Variants in JAK3 observed in about 807,000 individuals in gnomAD.
The protein encoded by JAK3 is tyrosine-protein kinase JAK3.
In JAK3, 88 loss-of-function variants were observed where a neutral mutation model predicts 120.8. The observed-to-expected ratio is 0.73, with a 90% CI of 0.61 to 0.87. The LOEUF (loss-of-function observed/expected upper bound fraction) is 0.87. JAK3 is among the 40% of genes least tolerant of loss of function. The pLI, the probability that JAK3 is intolerant of heterozygous loss-of-function variation, is 0.00. For synonymous variants in JAK3, 592 were observed against 628.6 expected, an observed-to-expected ratio of 0.94 and a Z score of 0.87; for missense variants, 1,254 against 1,501.4, an observed-to-expected ratio of 0.84 and a Z score of 2.72.
chr19:17,830,338 G>A, intron 22 of JAK3, 120 bp from the exon 23 acceptor site: 4 of 927,350 alleles, frequency 4.3e-6, no homozygotes, highest in Non-Finnish European at 6.8e-6. Context: ...TGCCTGAACC[G>A]TGAAGGGGTC....
In JAK3 at chr19:17,825,812, AAT is replaced by A. The variant is rs2094202887; in HGVS notation, c.*929_*930del. ...GCTACTTGGGAGGCTGAGGCGAGAGAATGGTGTGAACCCAGGAGGCGGAGCTT... is the reference window on the plus strand; with the variant it reads ...GCTACTTGGGAGGCTGAGGCGAGAGAGGTGTGAACCCAGGAGGCGGAGCTT... On this transcript the variant is annotated 3_prime_UTR_variant, in exon 24 of 24. Transcript: ENST00000458235. 6.7e-6 allele frequency: 1 copy of A among 150,304 alleles called. No homozygotes were observed. The highest frequency in any genetic ancestry group is 2.5e-5 in the African/African-American group (1 of 39,852). 9.3% of individuals were successfully genotyped at this position (150,304 alleles called of 1,614,324 possible). A position where few individuals can be genotyped will look rare whatever the true frequency, so the allele number is the denominator to read the frequency against.
At position 17,843,002 on chromosome 19, in the gene JAK3, GTCCC is replaced by G; in HGVS notation, c.566+21_566+24del. 6.2e-7 allele frequency: 1 copy of G among 1,608,506 alleles called. No homozygotes were observed. Among genetic ancestry groups the G allele is most frequent in the Non-Finnish European group, 8.5e-7 (1 of 1,179,614 alleles). Reference sequence around the variant, plus strand: ...CGTTGCTCACTCCCAAGCAGAGGCCGTCCCCACAGCCTGGTGGCTCTCACCTGAC... The same window carrying G: ...CGTTGCTCACTCCCAAGCAGAGGCCGCACAGCCTGGTGGCTCTCACCTGAC... On this transcript the variant is annotated intron_variant, in intron 5 of 23. Coordinates refer to ENST00000458235, the MANE Select transcript of JAK3 (RefSeq NM_000215.4). This position sits in a 1 kb window ranked among gnomAD's most constrained non-coding sequence, Gnocchi z 5.4.
At chr19:17,837,854 G>A (rs1278999679) in intron 12 of JAK3, 78 bp downstream of exon 12, 2 of 1,599,212 alleles carry the variant, frequency 1.3e-6, no homozygotes, top group South Asian at 2.2e-5. Flanking sequence ...GTCCCTGTGT[G>A]TTTTTAAATT....
chr19:17,842,186 C>T lies in JAK3; in HGVS notation c.861+130G>A. On this transcript the variant is annotated intron_variant, in intron 6 of 23. Transcript: ENST00000458235. This position sits in a 1 kb window ranked among gnomAD's most constrained non-coding sequence, Gnocchi z 6.4. Reference sequence around the variant, plus strand: ...GTCTCCTCCCTCACTAAGCCCCGCCCCTCATTAAGCCTCGCCCACTTCCCC... The same window carrying T: ...GTCTCCTCCCTCACTAAGCCCCGCCTCTCATTAAGCCTCGCCCACTTCCCC... The T allele has an allele frequency of 9.8e-7, 1 of 1,018,960 alleles. No homozygotes were observed. Among genetic ancestry groups the T allele is most frequent in the South Asian group, 1.7e-5 (1 of 59,018 alleles). The allele number at this position is 1,018,960 out of a possible 1,614,324, so 63.1% of individuals were successfully genotyped here.
In JAK3 at chr19:17,834,948, T is replaced by A; in HGVS notation, c.2103A>T (p.Thr701=). ...VAPECLREAQ[T]LSLEADKWGF... ...CCCACTTGTCAGCTTCCAAGCTAAGTGTCTGCGCCTCCCGGAGACACTCGG... is the reference window on the plus strand; with the variant it reads ...CCCACTTGTCAGCTTCCAAGCTAAGAGTCTGCGCCTCCCGGAGACACTCGG... The change falls in exon 16 of 24, where the codon ACA becomes ACT. Residue 701 remains threonine (T), a synonymous_variant. Transcript: ENST00000458235. The A allele has an allele frequency of 6.2e-7, 1 of 1,614,126 alleles. No homozygotes were observed.
chr19:17,842,564 G>T lies in JAK3; in HGVS notation c.613C>A (p.Leu205Met). The T allele has an allele frequency of 6.3e-7, 1 of 1,587,964 alleles. No individual in the cohort carries two copies. Among genetic ancestry groups the T allele is most frequent in the Non-Finnish European group, 8.6e-7 (1 of 1,167,568 alleles). Reference protein sequence around the residue: ...PPSLRDLIQGLSFVTRRRIRR... With the variant: ...PPSLRDLIQGMSFVTRRRIRR... ...ATACGCCTCCGCGTCACGAAGCTCA[G>T]GCCCTGGATCAGGTCGCGCAGGCTT... The change falls in exon 6 of 24, where the codon CTG becomes ATG. Residue 205 changes from leucine (L) to methionine (M), a missense_variant. Leu to Met is a conservative substitution (Grantham distance 15, BLOSUM62 2). Transcript: ENST00000458235. This position sits in a 1 kb window ranked among gnomAD's most constrained non-coding sequence, Gnocchi z 6.4.
At chr19:17,830,333 G>T in intron 22 of JAK3, 115 bp from the exon 23 acceptor site, 1 of 955,468 alleles carries the variant, frequency 1.0e-6, no homozygotes, top group Non-Finnish European at 1.6e-6. Flanking sequence ...GGGGCTGCCT[G>T]AACCGTGAAG....
Position 17,831,508 on chromosome 19 carries a change from C to T in JAK3, c.2806-108G>A, listed in dbSNP as rs909451118. 1.9e-5 allele frequency: 29 copies of T among 1,529,712 alleles called. No homozygotes were observed. The African/African-American group carries it at 3.7e-4, about 19-fold the overall frequency. The allele number at this position is 1,529,712 out of a possible 1,614,324, so 94.8% of individuals were successfully genotyped here. A position where few individuals can be genotyped will look rare whatever the true frequency, so the allele number is the denominator to read the frequency against. Reference sequence around the variant, plus strand: ...CAGACCCCAACTATAACCCTACCCCCGAGCCATCCTCCACTGAAGTTCTGA... The same window carrying T: ...CAGACCCCAACTATAACCCTACCCCTGAGCCATCCTCCACTGAAGTTCTGA... On this transcript the variant is annotated intron_variant, in intron 20 of 23. Coordinates refer to ENST00000458235, the MANE Select transcript of JAK3 (RefSeq NM_000215.4). The surrounding 1 kb of genome is among the most constrained non-coding windows in gnomAD (Gnocchi z 5.1).
In JAK3 at chr19:17,830,516, C is replaced by G; in HGVS notation, c.3083G>C (p.Cys1028Ser). Residue 1028 changes from cysteine (C) to serine (S), a missense_variant, in exon 22 of 24, where the codon TGC becomes TCC. Around this residue, in one of 3 missense-constraint regions of JAK3, gnomAD observed 630 missense variants for 819.8 expected, o/e 0.77. Coordinates refer to ENST00000458235, the MANE Select transcript of JAK3 (RefSeq NM_000215.4). ...AAGCCGACTCACGGCCGAGGGGCTG[C>G]AGCTTTTGTCGCAGTAGGTGAAGAG... The part of the protein sequence containing the change: ...YELFTYCDKS[C>S]SPSAEFLRMM... The G allele has an allele frequency of 6.2e-7, 1 of 1,613,304 alleles. No homozygotes were observed. The highest frequency in any genetic ancestry group is 8.5e-7 in the Non-Finnish European group (1 of 1,179,534).
chr19:17,838,752 G>A (rs1479573238), intron 10 of JAK3, among the ~76,000 whole-genome samples: 1 of 133,696 alleles, frequency 7.5e-6, no homozygotes, highest in Non-Finnish European at 1.5e-5. Flanking sequence ...GTCTCGCTCT[G>A]TCACCCAGGC....
Position 17,825,295 on chromosome 19 carries a change from C to T in JAK3, c.*1448G>A. 4.4e-6 allele frequency: 1 copy of T among 228,860 alleles called. No homozygotes were observed. Among genetic ancestry groups the T allele is most frequent in the East Asian group, 6.2e-5 (1 of 16,012 alleles). 14.2% of individuals were successfully genotyped at this position (228,860 alleles called of 1,614,324 possible). The stretch of plus-strand genomic sequence containing the variant: ...CCTTCTCACGCTTGGCATGCTGTTC[C>T]CTCTGCCAGGAATGCCTTTCCTTCC... On this transcript the variant is annotated 3_prime_UTR_variant, in exon 24 of 24. Coordinates refer to ENST00000458235, the MANE Select transcript of JAK3 (RefSeq NM_000215.4).
Position 17,842,481 on chromosome 19 carries a change from G to A in JAK3, c.696C>T (p.His232=), listed in dbSNP as rs199902822. ...CCATGATGTACTTGGCCATGAGCGAGTGCCGGTCTGCCTGGCAGGCGGCCA... is the reference window on the plus strand; with the variant it reads ...CCATGATGTACTTGGCCATGAGCGAATGCCGGTCTGCCTGGCAGGCGGCCA... ...RRVAACQADR[H]SLMAKYIMDL... Residue 232 remains histidine (H), a synonymous_variant, in exon 6 of 24, where the codon CAC becomes CAT. Coordinates refer to ENST00000458235, the MANE Select transcript of JAK3 (RefSeq NM_000215.4). This position sits in a 1 kb window ranked among gnomAD's most constrained non-coding sequence, Gnocchi z 6.4. 284 of 1,600,008 alleles carry A rather than the reference G, an allele frequency of 1.8e-4. 4 individuals are homozygous for A. The East Asian group carries it at 4.7e-3, about 27-fold the overall frequency.
Position 17,831,588 on chromosome 19 carries a change from C to T in JAK3, c.2805+86G>A. 1 of 1,540,004 alleles carries T rather than the reference C, an allele frequency of 6.5e-7. No individual in the cohort carries two copies. The highest frequency in any genetic ancestry group is 8.7e-7 in the Non-Finnish European group (1 of 1,144,332). On this transcript the variant is annotated intron_variant, in intron 20 of 23. Transcript: ENST00000458235. This position sits in a 1 kb window ranked among gnomAD's most constrained non-coding sequence, Gnocchi z 5.1. ...CCGAGACCTGGACCCCAAACCACTC[C>T]TCAGCCTTCACCGCGACCTCCAAGC...
At chr19:17,834,751 C>T (rs777078793) in intron 16 of JAK3, 30 bp from the exon 17 acceptor site, 2 of 1,613,942 alleles carry the variant, frequency 1.2e-6, no homozygotes, top group African/African-American at 2.7e-5. Flanking sequence ...TCGGTAATCC[C>T]CAACCCAATA....
intron 23 of JAK3, among the ~76,000 whole-genome samples, chr19:17,827,222 A>G (rs1210707875): frequency 6.6e-6 from 1 of 151,872 alleles, no homozygotes; most frequent in Non-Finnish European, 1.5e-5. Flanking sequence ...CAGGTGATCC[A>G]CCTGTCTTGG....
In JAK3 at chr19:17,842,044, T is replaced by G. The variant is rs2099999119; in HGVS notation, c.861+272A>C. On this transcript the variant is annotated intron_variant, in intron 6 of 23. Coordinates refer to ENST00000458235, the MANE Select transcript of JAK3 (RefSeq NM_000215.4). This position sits in a 1 kb window ranked among gnomAD's most constrained non-coding sequence, Gnocchi z 6.4. ...CCTCCCAGCTCTCGGAGCCTCACTC[T>G]GCCTCTTAGTCTTGCCTCGTTCCAG... 6.6e-6 allele frequency among the ~76,000 whole-genome samples: 1 copy of G among 151,580 alleles called. No homozygotes were observed. Among genetic ancestry groups the G allele is most frequent in the Non-Finnish European group, 1.5e-5 (1 of 67,916 alleles).
At chr19:17,847,635 C>A (rs1312108182) in intron 1 of JAK3, among the ~76,000 whole-genome samples, 3 of 152,144 alleles carry the variant, frequency 2.0e-5, no homozygotes, top group Non-Finnish European at 4.4e-5. Flanking sequence ...CTGGGAACTC[C>A]GCCCCCCAAT....
At position 17,834,849 on chromosome 19, in the gene JAK3, G is replaced by A; in HGVS notation, c.2199+3C>T. 1 of 1,614,110 alleles carries A rather than the reference G, an allele frequency of 6.2e-7. No individual in the cohort carries two copies. Among genetic ancestry groups the A allele is most frequent in the Non-Finnish European group, 8.5e-7 (1 of 1,180,004 alleles). ...AGACCGATGCCGGGTGAGGGGCTCTGACCTTAGCAGGATCCAGGGCACTGA... is the reference window on the plus strand; with the variant it reads ...AGACCGATGCCGGGTGAGGGGCTCTAACCTTAGCAGGATCCAGGGCACTGA... On this transcript the variant is annotated splice_donor_region_variant and intron_variant, in intron 16 of 23. Transcript: ENST00000458235.
At chr19:17,845,168 T>C (rs192620789) in intron 1 of JAK3, among the ~76,000 whole-genome samples, 52 of 152,170 alleles carry the variant, frequency 3.4e-4, no homozygotes, top group African/African-American at 1.2e-3. Context: ...GAGTTTGTTT[T>C]ATGTTTTTTG....
Sources: gnomAD v4.1 joint callset for allele counts (sites outside exome capture counted in the v4.1 genomes callset) on GRCh38, gnomAD v4.1.1 for gene constraint, gnomAD v4.1.1 regional missense constraint, Gnocchi (gnomAD v3.1) non-coding constraint, MANE v1.5 for transcripts, NCBI Gene and HGNC (gene_info 2026-07-23, HGNC 2026-07-21) for gene names.